The following SPOCK1 variants were observed in gnomAD, a reference collection of about 807,000 sequenced individuals.
SPOCK1 encodes SPARC (osteonectin), cwcv and kazal like domains proteoglycan 1.
Under a neutral mutation model 55.3 loss-of-function variants are expected in SPOCK1, and 23 were observed. The observed-to-expected ratio is 0.42, with a 90% CI of 0.30 to 0.59. The LOEUF (loss-of-function observed/expected upper bound fraction) is 0.59, where lower values mean the gene tolerates loss of function less well. SPOCK1 is among the 20% of genes least tolerant of loss of function. The pLI, the probability that SPOCK1 is intolerant of heterozygous loss-of-function variation, is 0.22. For synonymous variants in SPOCK1, 226 were observed against 221.0 expected (o/e 1.02, Z -0.20); for missense variants, 499 against 552.5 (o/e 0.90, Z 0.97).
chr5:137,496,181 C>A (rs1315764898), intron 2 of SPOCK1, among the ~76,000 whole-genome samples: 1 of 151,996 alleles, frequency 6.6e-6, no homozygotes, highest in Non-Finnish European at 1.5e-5. Context: ...CTGCACTCAC[C>A]CCAGAAATGT....
intron 2 of SPOCK1, among the ~76,000 whole-genome samples, chr5:137,382,817 G>C (rs959529110): frequency 4.6e-5 from 7 of 152,220 alleles, no homozygotes; most frequent in Non-Finnish European, 7.3e-5. Flanking sequence ...CAGGAGGACA[G>C]AGCATACAAC....
rs1750665419 is a variant in SPOCK1 at position 136,978,673 on chromosome 5, T to A, written c.1301A>T (p.Glu434Val). Residue 434 changes from glutamate to valine, a missense_variant, in exon 11 of 11, where the codon GAG becomes GTG. Physicochemically the swap from Glu to Val is moderately radical, Grantham distance 121 (BLOSUM62 -2). Around this residue, in one of 3 missense-constraint regions of SPOCK1, gnomAD observed 83 missense variants for 87.5 expected, o/e 0.95. Coordinates refer to ENST00000394945, the MANE Select transcript of SPOCK1 (RefSeq NM_004598.4). ...DEDEDDDKEDEVGYIW is the reference protein window; with the variant it reads ...DEDEDDDKEDVVGYIW ...TGGGCACTACCATATGTACCCGACCTCATCCTCTTTGTCATCATCCTCATC... is the reference window on the plus strand; with the variant it reads ...TGGGCACTACCATATGTACCCGACCACATCCTCTTTGTCATCATCCTCATC... 6.2e-7 allele frequency: 1 copy of A among 1,611,324 alleles called. No homozygotes were observed. Among genetic ancestry groups the A allele is most frequent in the Non-Finnish European group, 8.5e-7 (1 of 1,178,990 alleles).
At chr5:137,179,137 T>C (rs1754917707) in intron 3 of SPOCK1, among the ~76,000 whole-genome samples, 1 of 152,204 alleles carries the variant, frequency 6.6e-6, no homozygotes. Context: ...AAAATAGGAC[T>C]GTGCAAAAAG....
chr5:137,437,634 T>G (rs914944226), intron 2 of SPOCK1, among the ~76,000 whole-genome samples: 4 of 152,242 alleles, frequency 2.6e-5, no homozygotes, highest in Admixed American at 1.3e-4. Flanking sequence ...TACAAAGCTA[T>G]GGAATACATG....
At chr5:136,998,642 A>C (rs1223469607) in intron 6 of SPOCK1, among the ~76,000 whole-genome samples, 1 of 152,240 alleles carries the variant, frequency 6.6e-6, no homozygotes, top group African/African-American at 2.4e-5. Flanking sequence ...AACTCTGCCA[A>C]TGATGCAGGT....
intron 3 of SPOCK1, among the ~76,000 whole-genome samples, chr5:137,236,235 C>A (rs1756178078): frequency 6.6e-6 from 1 of 152,202 alleles, no homozygotes; most frequent in South Asian, 2.1e-4. Flanking sequence ...CCCTCTAGGC[C>A]CAGGAGAGGC....
At chr5:137,248,946 C>T (rs72794565) in intron 3 of SPOCK1, among the ~76,000 whole-genome samples, 5,214 of 152,298 alleles carry the variant, frequency 0.034, 138 homozygotes, top group Non-Finnish European at 0.049. Context: ...GATAAGTTGA[C>T]TTTTCCTTTA....
chr5:137,459,451 C>CTTTTTTTTT (rs10642886), intron 2 of SPOCK1, among the ~76,000 whole-genome samples: 26 of 145,774 alleles, frequency 1.8e-4, no homozygotes, highest in Middle Eastern at 3.6e-3. Flanking sequence ...TAATGAAAGG[C>CTTTTTTTTT]TTTTTTTTTT....
intron 4 of SPOCK1, among the ~76,000 whole-genome samples, chr5:137,118,459 ATATCCCCAC>A (rs979428194): frequency 7.7e-4 from 117 of 152,252 alleles, no homozygotes; most frequent in African/African-American, 2.7e-3. Context: ...CCCCACTAAG[ATATCCCCAC>A]CCTCACCAAC....
chr5:137,304,550 G>C (rs751128171), intron 2 of SPOCK1, among the ~76,000 whole-genome samples: 34 of 152,202 alleles, frequency 2.2e-4, no homozygotes, highest in Non-Finnish European at 4.3e-4. Flanking sequence ...TTTATGGGAA[G>C]AGGAAATTAA....
At chr5:137,356,788 C>T (rs1750809981) in intron 2 of SPOCK1, among the ~76,000 whole-genome samples, 1 of 72,408 alleles carries the variant, frequency 1.4e-5, no homozygotes, top group Non-Finnish European at 2.7e-5. Flanking sequence ...AAGACTGTCT[C>T]AAAAAAAATA....
intron 5 of SPOCK1, among the ~76,000 whole-genome samples, chr5:137,093,144 A>AT (rs995376085): frequency 2.0e-5 from 3 of 152,158 alleles, no homozygotes; most frequent in African/African-American, 7.2e-5. Context: ...CACATTGGGG[A>AT]TTAAGTTTCA....
chr5:137,372,198 A>G (rs1751216495), intron 2 of SPOCK1, among the ~76,000 whole-genome samples: 1 of 152,178 alleles, frequency 6.6e-6, no homozygotes, highest in African/African-American at 2.4e-5. Flanking sequence ...TGGACTGTGT[A>G]GGTCTAAAGA....
intron 8 of SPOCK1, 132 bp from the exon 9 acceptor site, chr5:136,985,334 T>G: frequency 1.1e-6 from 1 of 882,238 alleles, no homozygotes; most frequent in South Asian, 1.4e-5. Flanking sequence ...GCTGTTACTA[T>G]GCAAGAAAAC....
chr5:137,458,260 C>T (rs1753408875), intron 2 of SPOCK1, among the ~76,000 whole-genome samples: 1 of 152,164 alleles, frequency 6.6e-6, no homozygotes, highest in Non-Finnish European at 1.5e-5. Flanking sequence ...AAGCTTTGCT[C>T]ATCATTTCCA....
At chr5:137,430,816 G>A (rs10056712) in intron 2 of SPOCK1, among the ~76,000 whole-genome samples, 12,118 of 152,206 alleles carry the variant, frequency 0.08, 1,235 homozygotes, top group African/African-American at 0.24. Flanking sequence ...CAAAAGCCAC[G>A]GCAAACACCT....
intron 6 of SPOCK1, among the ~76,000 whole-genome samples, chr5:137,055,580 G>A (rs988947832): frequency 1.3e-5 from 2 of 152,164 alleles, no homozygotes; most frequent in African/African-American, 4.8e-5. Context: ...TATAACAGGA[G>A]CTCTTCACTC....
chr5:137,097,523 G>A (rs1359581040), intron 5 of SPOCK1, among the ~76,000 whole-genome samples: 4 of 152,302 alleles, frequency 2.6e-5, no homozygotes, highest in Middle Eastern at 3.4e-3. Flanking sequence ...CATGTCAGAG[G>A]AGCTGAGCAA....
chr5:137,451,136 A>G (rs1405412856), intron 2 of SPOCK1, among the ~76,000 whole-genome samples: 1 of 152,172 alleles, frequency 6.6e-6, no homozygotes, highest in Non-Finnish European at 1.5e-5. Flanking sequence ...GGTAAGCCAC[A>G]GGCCACAGGG....
Sources: gnomAD v4.1 joint callset for allele counts (sites outside exome capture counted in the v4.1 genomes callset) on GRCh38, gnomAD v4.1.1 for gene constraint, gnomAD v4.1.1 regional missense constraint, MANE v1.5 for transcripts, NCBI Gene and HGNC (gene_info 2026-07-23, HGNC 2026-07-21) for gene names.